Variants in ARHGAP24 observed in about 807,000 individuals in gnomAD.
ARHGAP24 encodes rho GTPase-activating protein 24.
Under a neutral mutation model 76.4 loss-of-function variants are expected in ARHGAP24, and 50 were observed. The observed-to-expected ratio is 0.65, with a 90% CI of 0.52 to 0.83. The LOEUF is 0.83. Ranked by LOEUF, ARHGAP24 falls within the 40% of genes least tolerant of loss-of-function variation. The pLI, the probability that ARHGAP24 is intolerant of heterozygous loss-of-function variation, is 0.00. For missense variants in ARHGAP24, 930 were observed against 914.2 expected, an observed-to-expected ratio of 1.02 and a Z score of -0.22; for synonymous variants, 345 against 323.3, an observed-to-expected ratio of 1.07 and a Z score of -0.72.
intron 1 of ARHGAP24, among the ~76,000 whole-genome samples, chr4:85,549,663 A>G (rs1726051983): frequency 6.6e-6 from 1 of 152,110 alleles, no homozygotes; most frequent in Non-Finnish European, 1.5e-5. Context: ...ATATGGGTAA[A>G]TTGCATGTTT....
intron 8 of ARHGAP24, among the ~76,000 whole-genome samples, chr4:85,987,649 G>A (rs1014922338): frequency 5.3e-5 from 8 of 151,968 alleles, no homozygotes; most frequent in African/African-American, 1.7e-4. Flanking sequence ...TTCTAAGGAT[G>A]AAAATTATCA....
At chr4:85,672,404 G>A (rs1443448841) in intron 2 of ARHGAP24, among the ~76,000 whole-genome samples, 1 of 152,160 alleles carries the variant, frequency 6.6e-6, no homozygotes, top group Non-Finnish European at 1.5e-5. Flanking sequence ...CTTTGTTTCA[G>A]TTAAAGCATA....
chr4:85,960,563 G>A (rs1738185824), intron 5 of ARHGAP24, among the ~76,000 whole-genome samples: 1 of 152,094 alleles, frequency 6.6e-6, no homozygotes, highest in African/African-American at 2.4e-5. Context: ...CTGATATAAT[G>A]TAGGCATTCA....
At chr4:85,525,610 C>G (rs1724959300) in intron 1 of ARHGAP24, among the ~76,000 whole-genome samples, 1 of 152,240 alleles carries the variant, frequency 6.6e-6, no homozygotes, top group Non-Finnish European at 1.5e-5. Flanking sequence ...ATTGAGCACT[C>G]ACTGTGTGTC....
chr4:85,962,291 G>C (rs1002930370), intron 5 of ARHGAP24, among the ~76,000 whole-genome samples: 1 of 152,072 alleles, frequency 6.6e-6, no homozygotes, highest in Non-Finnish European at 1.5e-5. Flanking sequence ...TAGGAAAATA[G>C]TGTACCCAGC....
chr4:85,682,723 G>C (rs1336712810), intron 2 of ARHGAP24, among the ~76,000 whole-genome samples: 1 of 152,184 alleles, frequency 6.6e-6, no homozygotes, highest in Non-Finnish European at 1.5e-5. Flanking sequence ...CATATTGCAA[G>C]CTCCTCCTCT....
At chr4:85,706,821 C>A (rs1294646294) in intron 2 of ARHGAP24, among the ~76,000 whole-genome samples, 1 of 152,162 alleles carries the variant, frequency 6.6e-6, no homozygotes, top group Non-Finnish European at 1.5e-5. Context: ...GCCTCGGCCT[C>A]CCAAAGTGCT....
At chr4:85,580,581 A>G (rs781584033) in intron 2 of ARHGAP24, among the ~76,000 whole-genome samples, 6 of 152,000 alleles carry the variant, frequency 3.9e-5, no homozygotes, top group Non-Finnish European at 8.8e-5. Context: ...TGGCCCCAAA[A>G]TTTTCTTTGC....
At chr4:85,511,948 C>T (rs1724304402) in intron 1 of ARHGAP24, among the ~76,000 whole-genome samples, 1 of 152,210 alleles carries the variant, frequency 6.6e-6, no homozygotes, top group Non-Finnish European at 1.5e-5. Context: ...TAACATGGTG[C>T]TCTCCCTGTG....
intron 3 of ARHGAP24, among the ~76,000 whole-genome samples, chr4:85,854,910 T>A (rs1020106657): frequency 6.6e-6 from 1 of 152,234 alleles, no homozygotes; most frequent in Non-Finnish European, 1.5e-5. Flanking sequence ...AGTTCTGAAG[T>A]TGTCCCAAGA....
rs749725828 is a variant in ARHGAP24 at position 85,794,085 on chromosome 4, G to A, written c.268+72113G>A. Among the ~76,000 whole-genome samples, 3 of 152,192 alleles carry A rather than the reference G, an allele frequency of 2.0e-5. No homozygotes were observed. The South Asian group carries it at 6.2e-4, about 31-fold the overall frequency. Reference sequence around the variant, plus strand: ...TCCAAATATATTAATATATCATAGAGAGGGATAAAACTATATATTCTGGAA... The same window carrying A: ...TCCAAATATATTAATATATCATAGAAAGGGATAAAACTATATATTCTGGAA... On this transcript the variant is annotated intron_variant, in intron 3 of 9. Transcript: ENST00000395184.
intron 3 of ARHGAP24, among the ~76,000 whole-genome samples, chr4:85,912,085 T>C (rs1163478699): frequency 6.6e-6 from 1 of 152,178 alleles, no homozygotes; most frequent in East Asian, 1.9e-4. Context: ...TTTCAACATA[T>C]GTTGAAGGAA....
chr4:85,932,651 G>T (rs1164078108), intron 4 of ARHGAP24, among the ~76,000 whole-genome samples: 1 of 152,146 alleles, frequency 6.6e-6, no homozygotes, highest in African/African-American at 2.4e-5. Flanking sequence ...ATTTTTAAAG[G>T]CTGTCCTTTT....
chr4:85,942,306 T>G (rs756591448), intron 5 of ARHGAP24, 33 bp downstream of exon 5: 1 of 1,609,570 alleles, frequency 6.2e-7, no homozygotes, highest in Non-Finnish European at 8.5e-7. Flanking sequence ...CCATCTTCAC[T>G]GAGAAATTCA....
At chr4:85,656,495 G>C (rs758798791) in intron 2 of ARHGAP24, among the ~76,000 whole-genome samples, 1 of 152,142 alleles carries the variant, frequency 6.6e-6, no homozygotes, top group African/African-American at 2.4e-5. Context: ...TTGAGACAGA[G>C]TCTCGCTCTG....
intron 2 of ARHGAP24, among the ~76,000 whole-genome samples, chr4:85,666,417 A>T (rs1197724114): frequency 1.3e-5 from 2 of 152,120 alleles, no homozygotes; most frequent in Admixed American, 6.6e-5. Flanking sequence ...CAAAATTTTT[A>T]ACTTCTTTGC....
At chr4:85,976,868 C>T (rs1234503642) in intron 7 of ARHGAP24, among the ~76,000 whole-genome samples, 3 of 151,404 alleles carry the variant, frequency 2.0e-5, no homozygotes, top group Admixed American at 1.3e-4. Flanking sequence ...CTGCAACCTC[C>T]GCCTCCCGAG....
intron 2 of ARHGAP24, among the ~76,000 whole-genome samples, chr4:85,661,235 A>C (rs1722373412): frequency 7.1e-6 from 1 of 141,830 alleles, no homozygotes; most frequent in African/African-American, 2.7e-5. Flanking sequence ...ATCAGCCGAT[A>C]AAAAAAGTAG....
At chr4:85,987,295 A>G (rs905112691) in intron 8 of ARHGAP24, among the ~76,000 whole-genome samples, 2 of 152,106 alleles carry the variant, frequency 1.3e-5, no homozygotes, top group African/African-American at 4.8e-5. Context: ...ATTAACATAT[A>G]ATAAATATGA....
Sources: gnomAD v4.1 joint callset for allele counts (sites outside exome capture counted in the v4.1 genomes callset) on GRCh38, gnomAD v4.1.1 for gene constraint, MANE v1.5 for transcripts, NCBI Gene and HGNC (gene_info 2026-07-23, HGNC 2026-07-21) for gene names.